KLHL5: variants seen among roughly 807,000 people sequenced by gnomAD.
The protein encoded by KLHL5 is kelch like family member 5.
A neutral mutation model predicts 77.7 loss-of-function variants in KLHL5; 48 were observed. The observed-to-expected ratio is 0.62, with a 90% CI of 0.49 to 0.79. KLHL5 has a LOEUF of 0.79. Ranked by LOEUF, KLHL5 falls within the 30% of genes least tolerant of loss-of-function variation. KLHL5 has a pLI of 0.00. For missense variants in KLHL5, 723 were observed against 859.7 expected, an observed-to-expected ratio of 0.84 and a Z score of 1.99; for synonymous variants, 260 against 297.0, an observed-to-expected ratio of 0.88 and a Z score of 1.28.
chr4:39,140,976 T>C, the KLHL5 span, among the ~76,000 whole-genome samples: 1 of 152,208 alleles, frequency 6.6e-6, no homozygotes, highest in Non-Finnish European at 1.5e-5. Context: ...TTCAAAATTA[T>C]CAAATTTTTG....
At chr4:39,105,876 T>C (rs755731395) in intron 7 of KLHL5, among the ~76,000 whole-genome samples, 76 of 152,248 alleles carry the variant, frequency 5.0e-4, no homozygotes, top group Non-Finnish European at 8.4e-4. Flanking sequence ...ATTTTTCTTA[T>C]CTGGCTGTGA....
intron 1 of KLHL5, among the ~76,000 whole-genome samples, chr4:39,069,471 TATAC>T (rs1319540944): frequency 4.4e-3 from 308 of 69,672 alleles, no homozygotes; most frequent in South Asian, 7.3e-3. Flanking sequence ...TATATATATA[TATAC>T]ACACACACAC....
Position 39,113,019 on chromosome 4 carries a change from G to A in KLHL5, c.1689-1G>A, listed in dbSNP as rs1722567233. The A allele has an allele frequency of 1.2e-6, 2 of 1,612,152 alleles. No homozygotes were observed. Among genetic ancestry groups the A allele is most frequent in the East Asian group, 4.5e-5 (2 of 44,860 alleles). On this transcript the variant is annotated splice_acceptor_variant, in intron 8 of 10. Transcript: ENST00000504108. LOFTEE classifies it high-confidence loss of function. The stretch of plus-strand genomic sequence containing the variant: ...TATCATTTCATATATTCTTTTTGCA[G>A]ACTTTATGCAGTTGGTGGTCGTGAT...
At chr4:39,130,284 A>C (rs1723747057), downstream of KLHL5, among the ~76,000 whole-genome samples, 1 of 152,200 alleles carries the variant, frequency 6.6e-6, no homozygotes, top group Non-Finnish European at 1.5e-5. Context: ...GGCCGAATTA[A>C]AGGAATAGGT....
chr4:39,056,240 A>G, intron 1 of KLHL5, among the ~76,000 whole-genome samples: 1 of 152,174 alleles, frequency 6.6e-6, no homozygotes, highest in East Asian at 1.9e-4. Flanking sequence ...CTCCTGCCTC[A>G]GCCTCCTGAA....
At chr4:39,106,197 C>G (rs779556037) in intron 7 of KLHL5, among the ~76,000 whole-genome samples, 5 of 152,164 alleles carry the variant, frequency 3.3e-5, no homozygotes, top group Non-Finnish European at 7.4e-5. Context: ...CTTGTTGTCC[C>G]TTAGACACAG....
intron 9 of KLHL5, among the ~76,000 whole-genome samples, chr4:39,114,322 A>G (rs6855118): frequency 0.53 from 80,211 of 152,022 alleles, 21,727 homozygotes; most frequent in Non-Finnish European, 0.59. Context: ...AAGCAACTTC[A>G]CTTTATAACA....
intron 6 of KLHL5, among the ~76,000 whole-genome samples, chr4:39,099,096 A>G (rs1471243377): frequency 1.3e-5 from 2 of 152,098 alleles, no homozygotes; most frequent in African/African-American, 4.8e-5. Context: ...CAGCCTGGCC[A>G]ACATGGCGAA....
intron 1 of KLHL5, 138 bp from the exon 2 acceptor site, chr4:39,075,826 GA>G (rs1285301525): frequency 3.0e-6 from 2 of 658,382 alleles, no homozygotes; most frequent in Non-Finnish European, 5.1e-6. Flanking sequence ...AGACTAAAAT[GA>G]TGAATGATTA....
In KLHL5 at chr4:39,062,369, CG is replaced by C; in HGVS notation, c.-281del. The C allele has an allele frequency of 1.4e-6, 2 of 1,438,184 alleles. No homozygotes were observed. The highest frequency in any genetic ancestry group is 1.8e-6 in the Non-Finnish European group (2 of 1,102,776). 89.1% of individuals were successfully genotyped at this position (1,438,184 alleles called of 1,614,324 possible). ...AATGGTCAGTATGGGAAAGGAGAGC[CG>C]GGAAAGTGGTCTAGCTGCTTCAGGA... On this transcript the variant is annotated 5_prime_UTR_variant, in exon 1 of 11. An upstream open reading frame in the 5' UTR gains an earlier in-frame stop. Coordinates refer to ENST00000504108, the MANE Select transcript of KLHL5 (RefSeq NM_015990.5).
rs758664635 is a variant in KLHL5 at position 39,103,300 on chromosome 4, T to C, written c.1314T>C (p.Ile438=). ...ATTACTATGAAGGAGCAACAAGCAT[T>C]GAAAAGTATGATCTCCGTACAAATA... The part of the protein sequence containing the change: ...GMDSTKGATS[I]EKYDLRTNMW... The change falls in exon 7 of 11, where the codon ATT becomes ATC. Residue 438 remains isoleucine, a synonymous_variant. Transcript: ENST00000504108. 1.2e-6 allele frequency: 2 copies of C among 1,612,770 alleles called. No individual in the cohort carries two copies. Among genetic ancestry groups the C allele is most frequent in the Non-Finnish European group, 8.5e-7 (1 of 1,179,362 alleles).
Position 39,079,892 on chromosome 4 carries a change from T to C in KLHL5, c.567-1211T>C, listed in dbSNP as rs998030384. On this transcript the variant is annotated intron_variant, in intron 2 of 10. Transcript: ENST00000504108. ...AAGCAACCAATGGCCAATAAACATT[T>C]GAAAAACCTCACTAGCAATCAGATA... is the stretch of plus-strand genomic sequence containing the variant. Among the ~76,000 whole-genome samples, 7 of 152,160 alleles carry C rather than the reference T, an allele frequency of 4.6e-5. No individual in the cohort carries two copies. The South Asian group carries it at 6.2e-4, about 13-fold the overall frequency.
At chr4:39,139,343 A>G in the KLHL5 span, among the ~76,000 whole-genome samples, 1 of 152,036 alleles carries the variant, frequency 6.6e-6, no homozygotes, top group Admixed American at 6.6e-5. Context: ...AATCTTGCCT[A>G]AACTATGGAG....
intron 1 of KLHL5, among the ~76,000 whole-genome samples, chr4:39,067,712 G>T (rs920205207): frequency 6.9e-6 from 1 of 144,222 alleles, no homozygotes; most frequent in Non-Finnish European, 1.5e-5. Context: ...GTCTCACTCT[G>T]TCACCCAGGC....
At chr4:39,058,856 C>A (rs943119925), upstream of KLHL5, among the ~76,000 whole-genome samples, 1 of 151,784 alleles carries the variant, frequency 6.6e-6, no homozygotes, top group African/African-American at 2.4e-5. Context: ...ACAGTGATAA[C>A]CAAAACAAAG....
At chr4:39,076,466 A>G (rs7679639) in intron 2 of KLHL5, among the ~76,000 whole-genome samples, 2 of 152,162 alleles carry the variant, frequency 1.3e-5, no homozygotes, top group African/African-American at 4.8e-5. Flanking sequence ...ACTCAGTGGC[A>G]ATTAAAGTTT....
the KLHL5 span, among the ~76,000 whole-genome samples, chr4:39,142,205 A>G: frequency 6.6e-6 from 1 of 152,116 alleles, no homozygotes; most frequent in Non-Finnish European, 1.5e-5. Context: ...AAATAATTGT[A>G]TTTCCCTTTT....
In KLHL5 at chr4:39,121,150, T is replaced by G. The variant is rs922890470; in HGVS notation, c.*84T>G. On this transcript the variant is annotated 3_prime_UTR_variant, in exon 11 of 11. Coordinates refer to ENST00000504108, the MANE Select transcript of KLHL5 (RefSeq NM_015990.5). ...ATTCTATCAATGGATACATTTTTAG[T>G]AAATGTGCATTGTCACAATCCTGGG... 1.9e-6 allele frequency: 2 copies of G among 1,040,078 alleles called. No homozygotes were observed. The highest frequency in any genetic ancestry group is 3.2e-5 in the African/African-American group (2 of 63,182). 64.4% of individuals were successfully genotyped at this position (1,040,078 alleles called of 1,614,324 possible). A position where few individuals can be genotyped will look rare whatever the true frequency, so the allele number is the denominator to read the frequency against.
intron 6 of KLHL5, among the ~76,000 whole-genome samples, chr4:39,099,521 T>C (rs1005555261): frequency 6.6e-6 from 1 of 152,210 alleles, no homozygotes; most frequent in African/African-American, 2.4e-5. Context: ...CTGATGCTTT[T>C]ATTTCAACCC....
Sources: allele counts gnomAD v4.1 joint callset (sites outside exome capture counted in the v4.1 genomes callset), GRCh38; gene constraint gnomAD v4.1.1; transcripts MANE v1.5; gene names NCBI Gene and HGNC (gene_info 2026-07-23, HGNC 2026-07-21).